The following CTNNA3 variants were observed in gnomAD, a reference collection of about 807,000 sequenced individuals.
CTNNA3 encodes the protein catenin alpha 3.
CTNNA3 carries 76 observed loss-of-function variants against 95.7 expected under a neutral mutation model. The ratio of observed to expected loss-of-function variants is 0.79; its 90% CI spans 0.66 to 0.96. The LOEUF is 0.96. Ranked by LOEUF, CTNNA3 falls within the 40% of genes least tolerant of loss-of-function variation. The probability of loss-of-function intolerance (pLI) is 0.00; values close to 1 mark genes in which losing one functional copy is unlikely to be tolerated. For missense variants in CTNNA3, 1,191 were observed against 1,089.8 expected (o/e 1.09, Z -1.31); for synonymous variants, 431 against 374.4 (o/e 1.15, Z -1.74).
rs34051034 is a variant in CTNNA3, at chr10:67,526,349, A to ATTTTT, written c.460-4393_460-4389dup. ...AAAGCTCACATACATATCTCAAATG[A>ATTTTT]TTTTTTTTTTTTTTTTTTTGCTGTA... On this transcript the variant is annotated intron_variant, in intron 4 of 17. Transcript: ENST00000433211. 2.2e-5 allele frequency among the ~76,000 whole-genome samples: 3 copies of ATTTTT among 135,674 alleles called. 1 individual carries two copies. The highest frequency in any genetic ancestry group is 8.1e-5 in the African/African-American group (3 of 37,070). 89.0% of individuals were successfully genotyped at this position (135,674 alleles called of 152,430 possible). A position where few individuals can be genotyped will look rare whatever the true frequency, so the allele number is the denominator to read the frequency against.
rs2077001826 is a variant in CTNNA3 at position 65,915,909 on chromosome 10, TGA to T, written c.*4419_*4420del. ...AAATTTTACTTCTTCTCTTTCTCTT[TGA>T]GATGACTAAGATAGCGTTAGTAGCC... On this transcript the variant is annotated 3_prime_UTR_variant, in exon 18 of 18. Transcript: ENST00000433211. 1 of 152,232 alleles carries T rather than the reference TGA, an allele frequency of 6.6e-6. No individual in the cohort carries two copies. The highest frequency in any genetic ancestry group is 2.4e-5 in the African/African-American group (1 of 41,464). 9.4% of individuals were successfully genotyped at this position (152,232 alleles called of 1,614,324 possible).
chr10:67,606,904 A>C lies in CTNNA3; in HGVS notation c.245T>G (p.Val82Gly), dbSNP rs1470581978. ...KGEKIAQEAT[V>G]LKDELTASLE... ...TGAAGCCGTAAGCTCATCCTTTAAA[A>C]CTGTAGCTTCCTGGGCAATCTTCTC... The change falls in exon 3 of 18, where the codon GTT becomes GGT. Residue 82 changes from valine (V) to glycine (G), a missense_variant. Transcript: ENST00000433211. The C allele has an allele frequency of 1.2e-6, 2 of 1,614,094 alleles. No homozygotes were observed. Among genetic ancestry groups the C allele is most frequent in the Non-Finnish European group, 1.7e-6 (2 of 1,179,970 alleles).
intron 1 of CTNNA3, among the ~76,000 whole-genome samples, chr10:67,702,560 G>C (rs538979511): frequency 1.3e-5 from 2 of 152,288 alleles, no homozygotes; most frequent in South Asian, 4.1e-4. Context: ...CAGAAATAAA[G>C]ATGTTCTTTG....
intron 7 of CTNNA3, among the ~76,000 whole-genome samples, chr10:67,129,726 C>T (rs117164626): frequency 0.027 from 4,148 of 152,172 alleles, 81 homozygotes; most frequent in Non-Finnish European, 0.042. Flanking sequence ...AACGAAAGTG[C>T]TAAGTGAAGT....
At chr10:66,570,577 G>A (rs966670390) in intron 10 of CTNNA3, among the ~76,000 whole-genome samples, 9 of 151,596 alleles carry the variant, frequency 5.9e-5, no homozygotes, top group Admixed American at 1.3e-4. Flanking sequence ...GTGAGCCACC[G>A]CACCCAGCCG....
intron 9 of CTNNA3, among the ~76,000 whole-genome samples, chr10:66,743,542 C>T (rs1448746241): frequency 6.6e-6 from 1 of 152,086 alleles, no homozygotes; most frequent in African/African-American, 2.4e-5. Context: ...ACCTGACTTG[C>T]CTATTTCTGC....
At chr10:67,587,641 T>C (rs1456872903) in intron 3 of CTNNA3, among the ~76,000 whole-genome samples, 1 of 152,172 alleles carries the variant, frequency 6.6e-6, no homozygotes, top group Non-Finnish European at 1.5e-5. Flanking sequence ...AGAATGTGCC[T>C]TTCACTTTGG....
chr10:66,839,733 G>C (rs1361093757), intron 7 of CTNNA3, among the ~76,000 whole-genome samples: 2 of 151,766 alleles, frequency 1.3e-5, no homozygotes, highest in African/African-American at 4.8e-5. Context: ...ACACAAACTG[G>C]AAAATCAAAA....
At chr10:66,437,944 A>G (rs2131776003) in intron 11 of CTNNA3, among the ~76,000 whole-genome samples, 1 of 152,116 alleles carries the variant, frequency 6.6e-6, no homozygotes, top group South Asian at 2.1e-4. Flanking sequence ...TTTCCTTCTA[A>G]CAGTCAGGCC....
intron 12 of CTNNA3, among the ~76,000 whole-genome samples, chr10:66,360,592 T>C (rs898758394): frequency 9.1e-6 from 1 of 109,824 alleles, no homozygotes; most frequent in Non-Finnish European, 2.2e-5. Flanking sequence ...TAATGTATTC[T>C]TTCCTTCTTT....
chr10:65,991,934 C>T (rs1045427043), intron 15 of CTNNA3, among the ~76,000 whole-genome samples: 1 of 152,090 alleles, frequency 6.6e-6, no homozygotes, highest in African/African-American at 2.4e-5. Context: ...TCTAAATCTA[C>T]TTTCTTGAGA....
intron 1 of CTNNA3, among the ~76,000 whole-genome samples, chr10:67,670,840 T>A (rs1467466531): frequency 3.3e-5 from 5 of 152,228 alleles, no homozygotes; most frequent in African/African-American, 7.2e-5. Flanking sequence ...TAACTTTTTT[T>A]ACATATGCTA....
intron 2 of CTNNA3, among the ~76,000 whole-genome samples, chr10:67,621,284 A>G (rs1589499190): frequency 2.0e-5 from 3 of 152,072 alleles, no homozygotes; most frequent in African/African-American, 7.2e-5. Flanking sequence ...GGATTTTCTG[A>G]ATTGCCTACT....
Position 67,524,764 on chromosome 10 carries a change from C to T in CTNNA3, c.460-2803G>A, listed in dbSNP as rs992647642. ...CCCTATTAAACACACCCCATCCCCA[C>T]CTGCACACATGTACGCTTAAAGATA... On this transcript the variant is annotated intron_variant, in intron 4 of 17. Coordinates refer to ENST00000433211, the MANE Select transcript of CTNNA3 (RefSeq NM_013266.4). Among the ~76,000 whole-genome samples the T allele has an allele frequency of 6.6e-5, 10 of 152,238 alleles. No individual in the cohort carries two copies. In the South Asian group the frequency reaches 2.1e-3, roughly 32 times the overall value.
intron 7 of CTNNA3, among the ~76,000 whole-genome samples, chr10:66,958,308 CAAAAAAAAAAA>C (rs35076056): frequency 1.0e-4 from 9 of 86,934 alleles, no homozygotes; most frequent in Non-Finnish European, 1.5e-4. Flanking sequence ...TGCTTTCTTG[CAAAAAAAAAAA>C]AAAAAAAAAA....
At chr10:66,177,380 A>G in intron 13 of CTNNA3, among the ~76,000 whole-genome samples, 1 of 152,038 alleles carries the variant, frequency 6.6e-6, no homozygotes, top group South Asian at 2.1e-4. Flanking sequence ...ATGAGTAGAA[A>G]CATACATCTA....
At chr10:67,204,404 G>T (rs561899377) in intron 6 of CTNNA3, among the ~76,000 whole-genome samples, 1 of 152,146 alleles carries the variant, frequency 6.6e-6, no homozygotes, top group South Asian at 2.1e-4. Context: ...CTCCAGCCAT[G>T]TAAGACATAC....
At chr10:67,147,695 C>A (rs887340957) in intron 7 of CTNNA3, among the ~76,000 whole-genome samples, 2 of 152,060 alleles carry the variant, frequency 1.3e-5, no homozygotes, top group Admixed American at 6.5e-5. Context: ...TTGTATTTGT[C>A]TTCTGTTGTT....
intron 13 of CTNNA3, among the ~76,000 whole-genome samples, chr10:66,115,578 AT>A (rs1277810678): frequency 1.8e-4 from 24 of 131,090 alleles, no homozygotes; most frequent in Admixed American, 1.1e-3. Context: ...AGACAGATAG[AT>A]GATAGATAGA....
Sources: gnomAD v4.1 joint callset for allele counts (sites outside exome capture counted in the v4.1 genomes callset) on GRCh38, gnomAD v4.1.1 for gene constraint, MANE v1.5 for transcripts, NCBI Gene and HGNC (gene_info 2026-07-23, HGNC 2026-07-21) for gene names.